The following KCNAB2 variants were observed in gnomAD, a reference collection of about 807,000 sequenced individuals.
KCNAB2 encodes potassium voltage-gated channel subfamily A regulatory beta subunit 2.
In KCNAB2, 29 loss-of-function variants were observed where a neutral mutation model predicts 63.6. The ratio of observed to expected loss-of-function variants is 0.46; its 90% CI spans 0.34 to 0.62. KCNAB2 has a LOEUF of 0.62. KCNAB2 is among the 20% of genes least tolerant of loss of function. The pLI is 0.01. For synonymous variants in KCNAB2, 222 were observed against 224.2 expected (o/e 0.99, Z 0.09); for missense variants, 359 against 563.9 (o/e 0.64, Z 3.68).
At chr1:6,020,915 C>T (rs1658781804) in intron 1 of KCNAB2, among the ~76,000 whole-genome samples, 1 of 152,138 alleles carries the variant, frequency 6.6e-6, no homozygotes, top group Non-Finnish European at 1.5e-5. Flanking sequence ...CCGCCTCGGC[C>T]TCCCAAAGTG....
At chr1:6,066,607 G>A (rs972377000) in intron 2 of KCNAB2, among the ~76,000 whole-genome samples, 3 of 152,180 alleles carry the variant, frequency 2.0e-5, no homozygotes, top group African/African-American at 7.2e-5. Context: ...GGAACCCTGA[G>A]GCATGGGCCA....
At chr1:6,049,925 A>T (rs1008912759) in intron 1 of KCNAB2, among the ~76,000 whole-genome samples, 4 of 152,196 alleles carry the variant, frequency 2.6e-5, no homozygotes, top group African/African-American at 9.7e-5. Context: ...CTGGGTGCAC[A>T]TATAGGCAGA....
intron 1 of KCNAB2, among the ~76,000 whole-genome samples, chr1:6,025,489 G>T (rs1408123988): frequency 6.6e-6 from 1 of 152,148 alleles, no homozygotes; most frequent in Non-Finnish European, 1.5e-5. Flanking sequence ...AGGAATGAGG[G>T]GCCTCCCCAA....
At chr1:6,054,788 C>T (rs1570971496) in intron 2 of KCNAB2, among the ~76,000 whole-genome samples, 1 of 152,298 alleles carries the variant, frequency 6.6e-6, no homozygotes, top group East Asian at 1.9e-4. Flanking sequence ...TACAAAGTTA[C>T]ACTTCTATGC....
chr1:6,057,199 G>C (rs1023178204), intron 2 of KCNAB2, among the ~76,000 whole-genome samples: 2 of 151,706 alleles, frequency 1.3e-5, no homozygotes, highest in African/African-American at 4.8e-5. Context: ...AGCCTCTGCG[G>C]TCCTTGGGCA....
chr1:6,029,090 G>A (rs1659404785), intron 1 of KCNAB2, among the ~76,000 whole-genome samples: 3 of 152,072 alleles, frequency 2.0e-5, no homozygotes, highest in Admixed American at 1.3e-4. Context: ...GACCATCCTG[G>A]CCAACATGGT....
upstream of KCNAB2, among the ~76,000 whole-genome samples, chr1:6,032,501 C>T (rs1470098252): frequency 6.6e-6 from 1 of 151,306 alleles, no homozygotes; most frequent in East Asian, 1.9e-4. Context: ...CACTTGAACC[C>T]AGGAGGCAGA....
rs1014514001 is a variant in KCNAB2 at position 6,028,900 on chromosome 1, C to T, written c.-52-11617C>T. Among the ~76,000 whole-genome samples the T allele has an allele frequency of 6.6e-6, 1 of 152,214 alleles. No individual in the cohort carries two copies. The highest frequency in any genetic ancestry group is 1.5e-5 in the Non-Finnish European group (1 of 68,036). On this transcript the variant is annotated intron_variant, in intron 1 of 16. Coordinates refer to the KCNAB2 transcript ENST00000341524. The surrounding 1 kb of genome is among the most constrained non-coding windows in gnomAD (Gnocchi z 4.0). ...GGATCTGCAAACCAGCCTTCTGGAA[C>T]CTTTGAGCTTCCAGGATGATTCGGA...
At chr1:6,053,433 G>A (rs1277556985) in intron 2 of KCNAB2, among the ~76,000 whole-genome samples, 3 of 152,126 alleles carry the variant, frequency 2.0e-5, no homozygotes, top group Non-Finnish European at 2.9e-5. Context: ...TTCCAACAGC[G>A]ACCACTGGCC....
upstream of KCNAB2, among the ~76,000 whole-genome samples, chr1:6,044,825 G>A (rs1660783556): frequency 6.6e-6 from 1 of 152,164 alleles, no homozygotes; most frequent in Admixed American, 6.5e-5. Flanking sequence ...AAGGGGTGCA[G>A]GGCCTGAAAA....
At position 6,028,756 on chromosome 1, in the gene KCNAB2, A is replaced by T. The variant is rs1570895970; in HGVS notation, c.-52-11761A>T. 6.6e-6 allele frequency among the ~76,000 whole-genome samples: 1 copy of T among 152,024 alleles called. No individual in the cohort carries two copies. On this transcript the variant is annotated intron_variant, in intron 1 of 16. Coordinates refer to the KCNAB2 transcript ENST00000341524. This position sits in a 1 kb window ranked among gnomAD's most constrained non-coding sequence, Gnocchi z 4.0. ...CTGACCTCCAGGATGGCCTCCAGGG[A>T]CCCCGCCTCCTGGTGGCCACTGTCC... is the stretch of plus-strand genomic sequence containing the variant.
intron 10 of KCNAB2, among the ~76,000 whole-genome samples, chr1:6,092,000 G>A (rs1343244534): frequency 6.6e-6 from 1 of 152,216 alleles, no homozygotes; most frequent in Admixed American, 6.5e-5. Flanking sequence ...AACGGCCCCA[G>A]GACCCCACCC....
chr1:6,030,789 T>C (rs1174881025), upstream of KCNAB2, among the ~76,000 whole-genome samples: 1 of 141,022 alleles, frequency 7.1e-6, no homozygotes, highest in South Asian at 2.2e-4. Context: ...TGTGTGTATG[T>C]GTGTAGGTGT....
At position 6,080,514 on chromosome 1, in the gene KCNAB2, G is replaced by A. The variant is rs555090502; in HGVS notation, c.301-1681G>A. ...CCCCGGCAGGTGGATCCTGAAAACC[G>A]ACGGCCTCCACCCCCGGGCTTCCTG... On this transcript the variant is annotated intron_variant, in intron 4 of 15. Coordinates refer to ENST00000378083, the MANE Select transcript of KCNAB2 (RefSeq NM_001199862.2). Among the ~76,000 whole-genome samples, 20 of 152,304 alleles carry A rather than the reference G, an allele frequency of 1.3e-4. No homozygotes were observed. The East Asian group carries it at 1.7e-3, about 13-fold the overall frequency.
At chr1:5,993,300 C>A (rs1656667930) in intron 1 of KCNAB2, among the ~76,000 whole-genome samples, 1 of 151,622 alleles carries the variant, frequency 6.6e-6, no homozygotes, top group Non-Finnish European at 1.5e-5. Flanking sequence ...CCTTTCCCCA[C>A]CCTCCCATTC....
intron 1 of KCNAB2, among the ~76,000 whole-genome samples, chr1:5,998,746 G>T (rs747210672): frequency 6.6e-6 from 1 of 152,202 alleles, no homozygotes; most frequent in Non-Finnish European, 1.5e-5. Context: ...CAGCGAGGGG[G>T]CGCAGGACCC....
intron 5 of KCNAB2, among the ~76,000 whole-genome samples, chr1:6,084,598 T>C (rs1399108472): frequency 8.5e-5 from 13 of 152,162 alleles, no homozygotes; most frequent in Admixed American, 2.0e-4. Context: ...GGCGGATCAC[T>C]CGAGATGAGG....
chr1:6,052,594 C>A (rs1557456737), intron 2 of KCNAB2, among the ~76,000 whole-genome samples: 1 of 152,088 alleles, frequency 6.6e-6, no homozygotes, highest in Non-Finnish European at 1.5e-5. Flanking sequence ...TTTTAGTGCG[C>A]TTGTCTTTGA....
In KCNAB2 at chr1:6,099,835, G is replaced by GCT. The variant is rs762799303; in HGVS notation, c.*1261_*1262insCT. 1.9e-6 allele frequency: 3 copies of GCT among 1,540,742 alleles called. No homozygotes were observed. Among genetic ancestry groups the GCT allele is most frequent in the Non-Finnish European group, 2.6e-6 (3 of 1,142,036 alleles). On this transcript the variant is annotated 3_prime_UTR_variant, in exon 16 of 16. Transcript: ENST00000378083. ...TGGGACAGGCTGGGCAGAGGGGAGA[G>GCT]AGGGCAGGACAGGCCAGAGTGACGC... is the stretch of plus-strand genomic sequence containing the variant.
Sources: gnomAD v4.1 joint callset for allele counts (sites outside exome capture counted in the v4.1 genomes callset) on GRCh38, gnomAD v4.1.1 for gene constraint, Gnocchi (gnomAD v3.1) non-coding constraint, MANE v1.5 for transcripts, NCBI Gene and HGNC (gene_info 2026-07-23, HGNC 2026-07-21) for gene names.